The following PRH1 variants were observed in gnomAD, a reference collection of about 807,000 sequenced individuals.
PRH1 encodes salivary acidic proline-rich phosphoprotein 1/2.
Under a neutral mutation model 7.9 loss-of-function variants are expected in PRH1, and 7 were observed. The observed-to-expected ratio is 0.89, with a 90% CI of 0.50 to 1.67. The LOEUF is 1.67. Ranked by LOEUF, PRH1 falls within the 40% of genes most tolerant of loss-of-function variation. PRH1 has a pLI of 0.00. For missense variants in PRH1, 109 were observed against 223.6 expected (o/e 0.49, Z 3.27); for synonymous variants, 45 against 80.8 (o/e 0.56, Z 2.38).
chr12:11,015,169 C>T (rs1941233935), intron 1 of PRH1, among the ~76,000 whole-genome samples: 1 of 152,254 alleles, frequency 6.6e-6, no homozygotes, highest in South Asian at 2.1e-4. Context: ...ACTGCGCATG[C>T]TCACCTCCAA....
chr12:11,168,252 GAAA>G lies in PRH1; in HGVS notation n.39+3167_39+3169del, dbSNP rs1565725083. 3.9e-3 allele frequency among the ~76,000 whole-genome samples: 104 copies of G among 26,742 alleles called. 19 individuals carry two copies. In the East Asian group the frequency reaches 0.057, roughly 15 times the overall value. 17.5% of individuals were successfully genotyped at this position (26,742 alleles called of 152,430 possible). A position where few individuals can be genotyped will look rare whatever the true frequency, so the allele number is the denominator to read the frequency against. On this transcript the variant is annotated intron_variant and non_coding_transcript_variant, in intron 1 of 1. Transcript: ENST00000541175. The stretch of plus-strand genomic sequence containing the variant: ...AGAAAGAAAGAAAGAAAGAAAGAAA[GAAA>G]GAAAGAAAGAAAGAAAGAAAGAAAG...
At chr12:11,044,889 C>A (rs1399004126) in intron 1 of PRH1, among the ~76,000 whole-genome samples, 1 of 152,084 alleles carries the variant, frequency 6.6e-6, no homozygotes, top group Non-Finnish European at 1.5e-5. Flanking sequence ...CTATGGAAAA[C>A]CATTGAAAGT....
chr12:11,118,690 AATAG>A (rs1370956940), downstream of PRH1, among the ~76,000 whole-genome samples: 2 of 152,116 alleles, frequency 1.3e-5, no homozygotes, highest in Admixed American at 1.3e-4. Flanking sequence ...GCAACAGATG[AATAG>A]ATAAAGAGAA....
chr12:11,009,400 TG>T (rs1940971001), intron 1 of PRH1, among the ~76,000 whole-genome samples: 1 of 151,878 alleles, frequency 6.6e-6, no homozygotes, highest in Non-Finnish European at 1.5e-5. Context: ...CAAAATTTGA[TG>T]GCTCCTAAAT....
chr12:10,997,461 A>G, intron 1 of PRH1: 2 of 1,614,018 alleles, frequency 1.2e-6, no homozygotes, highest in Non-Finnish European at 1.7e-6. Flanking sequence ...CAAACCAAAA[A>G]GAACAAAGAC....
chr12:11,134,504 T>C, intron 1 of PRH1: 1 of 455,150 alleles, frequency 2.2e-6, no homozygotes, highest in South Asian at 3.5e-5. Flanking sequence ...CCATCTGTTC[T>C]TGTTATAGGC....
chr12:10,898,183 C>A (rs1241214384), intron 2 of PRH1, among the ~76,000 whole-genome samples: 4 of 152,122 alleles, frequency 2.6e-5, no homozygotes, highest in Non-Finnish European at 5.9e-5. Flanking sequence ...CCAGGAAAGG[C>A]CAATTAGTCA....
At chr12:10,972,590 CTT>C (rs1185313186) in intron 2 of PRH1, among the ~76,000 whole-genome samples, 4 of 151,962 alleles carry the variant, frequency 2.6e-5, no homozygotes, top group African/African-American at 7.3e-5. Flanking sequence ...GACATATTCT[CTT>C]TCATTGTTTT....
At chr12:11,002,020 G>C (rs966530379) in intron 1 of PRH1, among the ~76,000 whole-genome samples, 2 of 152,076 alleles carry the variant, frequency 1.3e-5, no homozygotes, top group Non-Finnish European at 2.9e-5. Context: ...CCTAAGATCA[G>C]TTTAAGGTTA....
chr12:11,106,232 G>T (rs1462200907), intron 1 of PRH1, among the ~76,000 whole-genome samples: 1 of 46,626 alleles, frequency 2.1e-5, no homozygotes, highest in Non-Finnish European at 6.5e-5. Context: ...GAGCCACCGC[G>T]CCCGGCCATA....
chr12:11,062,172 G>C, intron 1 of PRH1: 1 of 1,613,612 alleles, frequency 6.2e-7, no homozygotes, highest in Non-Finnish European at 8.5e-7. Context: ...CAGCAAAAGA[G>C]ATCTTTTGTC....
chr12:11,071,398 C>T (rs1468001650), intron 1 of PRH1, among the ~76,000 whole-genome samples: 1 of 152,144 alleles, frequency 6.6e-6, no homozygotes, highest in African/African-American at 2.4e-5. Flanking sequence ...AAAAAAAAGA[C>T]CTTCTTGGAA....
intron 2 of PRH1, among the ~76,000 whole-genome samples, chr12:10,901,839 T>C (rs1250172393): frequency 6.6e-6 from 1 of 151,548 alleles, no homozygotes; most frequent in Non-Finnish European, 1.5e-5. Flanking sequence ...AACAATAATA[T>C]TATAGGGAAA....
chr12:10,994,503 C>T lies in PRH1; in HGVS notation c.-125-20782G>A, dbSNP rs142020394. Among the ~76,000 whole-genome samples, 372 of 152,244 alleles carry T rather than the reference C, an allele frequency of 2.4e-3. 1 individual carries two copies. The highest frequency in any genetic ancestry group is 3.2e-3 in the Non-Finnish European group (219 of 68,018). On this transcript the variant is annotated intron_variant, in intron 1 of 3. Coordinates refer to the PRH1 transcript ENST00000539853. ...CTCTCTCACATCATTGTGAAGTGGT[C>T]GTCAGCAGAGTCATATCACACATTA...
At chr12:10,902,715 T>A (rs2418220) in intron 2 of PRH1, among the ~76,000 whole-genome samples, 74,242 of 151,632 alleles carry the variant, frequency 0.49, 20,556 homozygotes, top group East Asian at 0.72. Context: ...AGGCCTACTT[T>A]CAGCATTCTT....
intron 1 of PRH1, among the ~76,000 whole-genome samples, chr12:11,111,090 CAAG>C (rs547079770): frequency 5.3e-4 from 80 of 152,322 alleles, no homozygotes; most frequent in Non-Finnish European, 1.0e-3. Flanking sequence ...ATCAACGCAA[CAAG>C]AAGAGCTAAC....
At chr12:10,968,235 C>A (rs1367437574) in intron 2 of PRH1, among the ~76,000 whole-genome samples, 1 of 152,136 alleles carries the variant, frequency 6.6e-6, no homozygotes, top group Non-Finnish European at 1.5e-5. Flanking sequence ...CCATAAATAA[C>A]TATTTTCTTA....
At chr12:11,148,894 C>T (rs1247465646) in intron 1 of PRH1, among the ~76,000 whole-genome samples, 8 of 138,266 alleles carry the variant, frequency 5.8e-5, no homozygotes, top group Admixed American at 2.2e-4. Context: ...TGGTAGAATT[C>T]GGCTGTGAAT....
At chr12:10,991,923 G>A (rs969855143) in intron 1 of PRH1, among the ~76,000 whole-genome samples, 2 of 152,172 alleles carry the variant, frequency 1.3e-5, no homozygotes, top group Non-Finnish European at 2.9e-5. Flanking sequence ...CGGTGATCTT[G>A]CAAATGTCAG....
Sources: gnomAD v4.1 joint callset for allele counts (sites outside exome capture counted in the v4.1 genomes callset) on GRCh38, gnomAD v4.1.1 for gene constraint, MANE v1.5 for transcripts, NCBI Gene and HGNC (gene_info 2026-07-23, HGNC 2026-07-21) for gene names.